DUSP28: variants seen among roughly 807,000 people sequenced by gnomAD.
The protein encoded by DUSP28 is dual specificity phosphatase 28.
Under a neutral mutation model 8.4 loss-of-function variants are expected in DUSP28, and 11 were observed. The ratio of observed to expected loss-of-function variants is 1.31; its 90% CI spans 0.83 to 2.17. The LOEUF is 2.17. Ranked by LOEUF, DUSP28 falls within the 30% of genes most tolerant of loss-of-function variation. The pLI is 0.00. For synonymous variants in DUSP28, 178 were observed against 130.9 expected, an observed-to-expected ratio of 1.36 and a Z score of -2.46; for missense variants, 373 against 270.4, an observed-to-expected ratio of 1.38 and a Z score of -2.66.
Position 240,563,974 on chromosome 2 carries a change from A to G in DUSP28, c.*2507A>G, listed in dbSNP as rs2092994731. On this transcript the variant is annotated 3_prime_UTR_variant, in exon 2 of 2. Coordinates refer to ENST00000405954, the MANE Select transcript of DUSP28 (RefSeq NM_001370465.2). The stretch of plus-strand genomic sequence containing the variant: ...GGTTGTATATTTTCCCGTTGGAGAC[A>G]CATCTGGAATTTGCTGCAATAAAAT... 6.6e-6 allele frequency: 1 copy of G among 152,408 alleles called. No homozygotes were observed. The highest frequency in any genetic ancestry group is 2.4e-5 in the African/African-American group (1 of 41,474). 9.4% of individuals were successfully genotyped at this position (152,408 alleles called of 1,614,324 possible). A position where few individuals can be genotyped will look rare whatever the true frequency, so the allele number is the denominator to read the frequency against.
chr2:240,560,750 C>T lies in DUSP28; in HGVS notation c.66C>T (p.Val22=), dbSNP rs773089505. 3.3e-6 allele frequency: 5 copies of T among 1,504,530 alleles called. No homozygotes were observed. The East Asian group carries it at 1.1e-4, about 34-fold the overall frequency. The allele number at this position is 1,504,530 out of a possible 1,614,324, so 93.2% of individuals were successfully genotyped here. Residue 22 remains valine (V), a synonymous_variant, in exon 1 of 2, where the codon GTC becomes GTT. Transcript: ENST00000405954. ...CCGTACCTCCACCGTTGGTGCGCGT[C>T]GCGCCCTCACTCTTCCTCGGGAGCG... is the stretch of plus-strand genomic sequence containing the variant. The part of the protein sequence containing the change: ...ASPVPPPLVR[V]APSLFLGSAR...
chr2:240,561,086 G>T lies in DUSP28; in HGVS notation c.393+9G>T. ...TGGCGAAGGCCTTCCAGGTGGGCGGGCCTTTAGGGGGGCGGTGTTTCGAGA... is the reference window on the plus strand; with the variant it reads ...TGGCGAAGGCCTTCCAGGTGGGCGGTCCTTTAGGGGGGCGGTGTTTCGAGA... On this transcript the variant is annotated intron_variant, in intron 1 of 1. Transcript: ENST00000405954. The T allele has an allele frequency of 6.8e-7, 1 of 1,473,908 alleles. No individual in the cohort carries two copies. The highest frequency in any genetic ancestry group is 8.9e-7 in the Non-Finnish European group (1 of 1,121,888). The allele number at this position is 1,473,908 out of a possible 1,614,324, so 91.3% of individuals were successfully genotyped here. A position where few individuals can be genotyped will look rare whatever the true frequency, so the allele number is the denominator to read the frequency against.
chr2:240,564,873 C>T lies in DUSP28; in HGVS notation c.*3406C>T, dbSNP rs945404215. Among the ~76,000 whole-genome samples, 2 of 152,194 alleles carry T rather than the reference C, an allele frequency of 1.3e-5. No individual in the cohort carries two copies. Among genetic ancestry groups the T allele is most frequent in the East Asian group, 1.9e-4 (1 of 5,200 alleles). ...TGACAGACGGCCTGGTGAGGGAACCCGGGAGGCCTCCAGCATCTGCACCCC... is the reference window on the plus strand; with the variant it reads ...TGACAGACGGCCTGGTGAGGGAACCTGGGAGGCCTCCAGCATCTGCACCCC... On this transcript the variant is annotated 3_prime_UTR_variant, in exon 2 of 2. Coordinates refer to ENST00000405954, the MANE Select transcript of DUSP28 (RefSeq NM_001370465.2).
chr2:240,561,013 C>G lies in DUSP28; in HGVS notation c.329C>G (p.Ser110Trp). 1 of 1,534,224 alleles carries G rather than the reference C, an allele frequency of 6.5e-7. No individual in the cohort carries two copies. The highest frequency in any genetic ancestry group is 8.7e-7 in the Non-Finnish European group (1 of 1,152,380). Residue 110 changes from serine (S) to tryptophan (W), a missense_variant, in exon 1 of 2, where the codon TCG becomes TGG. Physicochemically the swap from Ser to Trp is radical, Grantham distance 177. Transcript: ENST00000405954. ...TACTGCAAGAACGGCCGCAGCCGCT[C>G]GGCCGCCGTCTGCACCGCGTACCTC... Reference protein sequence around the residue: ...LVYCKNGRSRSAAVCTAYLMR... With the variant: ...LVYCKNGRSRWAAVCTAYLMR...
At position 240,560,591 on chromosome 2, in the gene DUSP28, G is replaced by C. The variant is rs1283846960; in HGVS notation, c.-94G>C. On this transcript the variant is annotated 5_prime_UTR_variant, in exon 1 of 2. Coordinates refer to ENST00000405954, the MANE Select transcript of DUSP28 (RefSeq NM_001370465.2). Reference sequence around the variant, plus strand: ...CTCTAGGACCCGGGGGCGCCCGGCGGCCCGCCCGGCTCCCACAAATAGACT... The same window carrying C: ...CTCTAGGACCCGGGGGCGCCCGGCGCCCCGCCCGGCTCCCACAAATAGACT... 3 of 1,316,620 alleles carry C rather than the reference G, an allele frequency of 2.3e-6. No individual in the cohort carries two copies. The highest frequency in any genetic ancestry group is 2.9e-6 in the Non-Finnish European group (3 of 1,034,158). 81.6% of individuals were successfully genotyped at this position (1,316,620 alleles called of 1,614,324 possible).
At position 240,560,838 on chromosome 2, in the gene DUSP28, T is replaced by C; in HGVS notation, c.154T>C (p.Ser52Pro). Residue 52 changes from serine to proline, a missense_variant, in exon 1 of 2, where the codon TCC (serine) becomes CCC (proline). Ser to Pro is a moderately conservative substitution (Grantham distance 74). Coordinates refer to ENST00000405954, the MANE Select transcript of DUSP28 (RefSeq NM_001370465.2). ...GGGAGTCACGCTGTGCGTCAACGTCTCCCGCCAGCAGCCCGGCCCGCGCGC... is the reference window on the plus strand; with the variant it reads ...GGGAGTCACGCTGTGCGTCAACGTCCCCCGCCAGCAGCCCGGCCCGCGCGC... ...RAGVTLCVNV[S>P]RQQPGPRAPG... The C allele has an allele frequency of 7.2e-7, 1 of 1,398,040 alleles. No individual in the cohort carries two copies. Among genetic ancestry groups the C allele is most frequent in the Middle Eastern group, 2.5e-4 (1 of 3,926 alleles). 86.6% of individuals were successfully genotyped at this position (1,398,040 alleles called of 1,614,324 possible).
rs766787898 is a variant in DUSP28, at chr2:240,560,999, C to T, written c.315C>T (p.Asn105=). 39 of 1,538,634 alleles carry T rather than the reference C, an allele frequency of 2.5e-5. No individual in the cohort carries two copies. The South Asian group carries it at 4.6e-4, about 18-fold the overall frequency. The stretch of plus-strand genomic sequence containing the variant: ...GCGCCTGCCTAGTCTACTGCAAGAA[C>T]GGCCGCAGCCGCTCGGCCGCCGTCT... ...AGGACLVYCK[N]GRSRSAAVCT... The change falls in exon 1 of 2, where the codon AAC becomes AAT. Residue 105 remains asparagine, a synonymous_variant. Transcript: ENST00000405954.
chr2:240,560,787 G>GGCGCGGAGGAGCAGCTGGCGC lies in DUSP28; in HGVS notation c.110_130dup (p.Glu37_Ala43dup), dbSNP rs1417775863. ...CTTCCTCGGGAGCGCGCGAGCCGCG[G>GGCGCGGAGGAGCAGCTGGCGC]GCGCGGAGGAGCAGCTGGCGCGCGC... On this transcript the variant is annotated inframe_insertion, in exon 1 of 2. Transcript: ENST00000405954. The GGCGCGGAGGAGCAGCTGGCGC allele has an allele frequency of 1.2e-5, 18 of 1,457,924 alleles. No individual in the cohort carries two copies. Among genetic ancestry groups the GGCGCGGAGGAGCAGCTGGCGC allele is most frequent in the Non-Finnish European group, 1.6e-5 (18 of 1,112,824 alleles). 90.3% of individuals were successfully genotyped at this position (1,457,924 alleles called of 1,614,324 possible). A position where few individuals can be genotyped will look rare whatever the true frequency, so the allele number is the denominator to read the frequency against.
chr2:240,560,790 G>C lies in DUSP28; in HGVS notation c.106G>C (p.Ala36Pro). 1 of 1,455,008 alleles carries C rather than the reference G, an allele frequency of 6.9e-7. No individual in the cohort carries two copies. Among genetic ancestry groups the C allele is most frequent in the South Asian group, 1.3e-5 (1 of 74,402 alleles). 90.1% of individuals were successfully genotyped at this position (1,455,008 alleles called of 1,614,324 possible). The part of the protein sequence containing the change: ...LFLGSARAAG[A>P]EEQLARAGVT... ...CCTCGGGAGCGCGCGAGCCGCGGGC[G>C]CGGAGGAGCAGCTGGCGCGCGCGGG... Residue 36 changes from alanine (A) to proline (P), a missense_variant, in exon 1 of 2, where the codon GCG becomes CCG. Coordinates refer to ENST00000405954, the MANE Select transcript of DUSP28 (RefSeq NM_001370465.2).
Position 240,560,856 on chromosome 2 carries a change from C to G in DUSP28, c.172C>G (p.Pro58Ala). The G allele has an allele frequency of 7.2e-7, 1 of 1,393,440 alleles. No homozygotes were observed. Among genetic ancestry groups the G allele is most frequent in the East Asian group, 3.0e-5 (1 of 32,984 alleles). The allele number at this position is 1,393,440 out of a possible 1,614,324, so 86.3% of individuals were successfully genotyped here. A position where few individuals can be genotyped will look rare whatever the true frequency, so the allele number is the denominator to read the frequency against. The change falls in exon 1 of 2, where the codon CCG (proline) becomes GCG (alanine). Residue 58 changes from proline to alanine, a missense_variant. Physicochemically the swap from Pro to Ala is conservative, Grantham distance 27. Coordinates refer to ENST00000405954, the MANE Select transcript of DUSP28 (RefSeq NM_001370465.2). ...CAACGTCTCCCGCCAGCAGCCCGGCCCGCGCGCGCCCGGCGTGGCAGAGCT... is the reference window on the plus strand; with the variant it reads ...CAACGTCTCCCGCCAGCAGCCCGGCGCGCGCGCGCCCGGCGTGGCAGAGCT... ...CVNVSRQQPG[P>A]RAPGVAELRV...
Position 240,560,537 on chromosome 2 carries a change from C to A in DUSP28, c.-148C>A. The A allele has an allele frequency of 8.4e-7, 1 of 1,191,206 alleles. No homozygotes were observed. Among genetic ancestry groups the A allele is most frequent in the Non-Finnish European group, 1.1e-6 (1 of 931,312 alleles). 73.8% of individuals were successfully genotyped at this position (1,191,206 alleles called of 1,614,324 possible). On this transcript the variant is annotated 5_prime_UTR_variant, in exon 1 of 2. Transcript: ENST00000405954. Reference sequence around the variant, plus strand: ...CCCGGCCCAGCGCCCGCGGGGGACCCAAGCCCCAGCCTGGTCCACCTCGGA... The same window carrying A: ...CCCGGCCCAGCGCCCGCGGGGGACCAAAGCCCCAGCCTGGTCCACCTCGGA...
rs910166340 is a variant in DUSP28 at position 240,564,678 on chromosome 2, G to A, written c.*3211G>A. On this transcript the variant is annotated 3_prime_UTR_variant, in exon 2 of 2. Transcript: ENST00000405954. ...GCCACCCAGATCCCCACTGCCTGAT[G>A]TCCTGGCTGTGGAGGGCACCTGGAG... Among the ~76,000 whole-genome samples the A allele has an allele frequency of 2.6e-5, 4 of 152,222 alleles. No homozygotes were observed. The highest frequency in any genetic ancestry group is 7.2e-5 in the African/African-American group (3 of 41,458).
rs2092953248 is a variant in DUSP28, at chr2:240,561,354, G to C, written c.418G>C (p.Ala140Pro). The change falls in exon 2 of 2, where the codon GCA (alanine) becomes CCA (proline). Residue 140 changes from alanine (A) to proline (P), a missense_variant. Ala to Pro is a conservative substitution (Grantham distance 27, BLOSUM62 -1). Transcript: ENST00000405954. ...GATGGTGAAGAGCGCTCGCCCGGTA[G>C]CAGAACCGAACCCGGGCTTCTGGTC... The part of the protein sequence containing the change: ...FQMVKSARPV[A>P]EPNPGFWSQL... The C allele has an allele frequency of 6.2e-7, 1 of 1,613,772 alleles. No homozygotes were observed. The highest frequency in any genetic ancestry group is 1.7e-5 in the Admixed American group (1 of 60,012).
rs866691579 is a variant in DUSP28 at position 240,565,087 on chromosome 2, C to G, written c.*3620C>G. Among the ~76,000 whole-genome samples the G allele has an allele frequency of 6.6e-6, 1 of 152,142 alleles. No individual in the cohort carries two copies. Among genetic ancestry groups the G allele is most frequent in the African/African-American group, 2.4e-5 (1 of 41,416 alleles). On this transcript the variant is annotated 3_prime_UTR_variant, in exon 2 of 2. Coordinates refer to ENST00000405954, the MANE Select transcript of DUSP28 (RefSeq NM_001370465.2). The stretch of plus-strand genomic sequence containing the variant: ...ACCACCTCTCCTGGACATCCTGTGG[C>G]CTAAAGACTATCCTAGAATCAACAC...
At position 240,560,762 on chromosome 2, in the gene DUSP28, C is replaced by T. The variant is rs1217172124; in HGVS notation, c.78C>T (p.Leu26=). ...CGTTGGTGCGCGTCGCGCCCTCACT[C>T]TTCCTCGGGAGCGCGCGAGCCGCGG... ...PPPLVRVAPS[L]FLGSARAAGA... Residue 26 remains leucine (L), a synonymous_variant, in exon 1 of 2, where the codon CTC becomes CTT. Coordinates refer to ENST00000405954, the MANE Select transcript of DUSP28 (RefSeq NM_001370465.2). 4 of 1,482,168 alleles carry T rather than the reference C, an allele frequency of 2.7e-6. No homozygotes were observed. The highest frequency in any genetic ancestry group is 2.5e-5 in the Admixed American group (1 of 40,464). The allele number at this position is 1,482,168 out of a possible 1,614,324, so 91.8% of individuals were successfully genotyped here. A position where few individuals can be genotyped will look rare whatever the true frequency, so the allele number is the denominator to read the frequency against.
In DUSP28 at chr2:240,560,614, ACTC is replaced by A. The variant is rs2092893834; in HGVS notation, c.-68_-66del. 3.7e-6 allele frequency: 5 copies of A among 1,360,808 alleles called. No homozygotes were observed. The East Asian group carries it at 1.5e-4, about 41-fold the overall frequency. 84.3% of individuals were successfully genotyped at this position (1,360,808 alleles called of 1,614,324 possible). A position where few individuals can be genotyped will look rare whatever the true frequency, so the allele number is the denominator to read the frequency against. ...CGGCCCGCCCGGCTCCCACAAATAGACTCCTGGGCGGGCGCCTGAGCCCCCAAA... is the reference window on the plus strand; with the variant it reads ...CGGCCCGCCCGGCTCCCACAAATAGACTGGGCGGGCGCCTGAGCCCCCAAA... On this transcript the variant is annotated 5_prime_UTR_variant, in exon 1 of 2. Transcript: ENST00000405954.
chr2:240,560,676 G>A lies in DUSP28; in HGVS notation c.-9G>A, dbSNP rs1575425227. 1 of 1,511,564 alleles carries A rather than the reference G, an allele frequency of 6.6e-7. No homozygotes were observed. The highest frequency in any genetic ancestry group is 8.8e-7 in the Non-Finnish European group (1 of 1,141,796). The allele number at this position is 1,511,564 out of a possible 1,614,324, so 93.6% of individuals were successfully genotyped here. The stretch of plus-strand genomic sequence containing the variant: ...TCAGGGCCCAAAAGCAGACTCTTCG[G>A]CGGGCGCCATGGGACCGGCAGAAGC... On this transcript the variant is annotated 5_prime_UTR_variant, in exon 1 of 2. Transcript: ENST00000405954.
Position 240,560,959 on chromosome 2 carries a change from C to A in DUSP28, c.275C>A (p.Ala92Glu). The A allele has an allele frequency of 6.6e-7, 1 of 1,516,322 alleles. No homozygotes were observed. Among genetic ancestry groups the A allele is most frequent in the Non-Finnish European group, 8.7e-7 (1 of 1,145,316 alleles). 93.9% of individuals were successfully genotyped at this position (1,516,322 alleles called of 1,614,324 possible). ...LEPTCAAMEA[A>E]VRAGGACLVY... ...CCCACGTGCGCCGCCATGGAGGCCG[C>A]GGTGCGCGCCGGCGGCGCCTGCCTA... Residue 92 changes from alanine to glutamate, a missense_variant, in exon 1 of 2, where the codon GCG becomes GAG. Ala to Glu is a moderately radical substitution (Grantham distance 107, BLOSUM62 -1). Transcript: ENST00000405954.
chr2:240,560,820 A>T lies in DUSP28; in HGVS notation c.136A>T (p.Thr46Ser), dbSNP rs1282019139. ...GGAGCAGCTGGCGCGCGCGGGAGTC[A>T]CGCTGTGCGTCAACGTCTCCCGCCA... ...AEEQLARAGV[T>S]LCVNVSRQQP... The change falls in exon 1 of 2, where the codon ACG becomes TCG. Residue 46 changes from threonine (T) to serine (S), a missense_variant. Thr to Ser is a moderately conservative substitution (Grantham distance 58). Coordinates refer to ENST00000405954, the MANE Select transcript of DUSP28 (RefSeq NM_001370465.2). The T allele has an allele frequency of 7.0e-7, 1 of 1,431,312 alleles. No individual in the cohort carries two copies. Among genetic ancestry groups the T allele is most frequent in the Non-Finnish European group, 9.1e-7 (1 of 1,100,800 alleles). 88.7% of individuals were successfully genotyped at this position (1,431,312 alleles called of 1,614,324 possible). A position where few individuals can be genotyped will look rare whatever the true frequency, so the allele number is the denominator to read the frequency against.
Sources: allele counts gnomAD v4.1 joint callset (sites outside exome capture counted in the v4.1 genomes callset), GRCh38; gene constraint gnomAD v4.1.1; transcripts MANE v1.5; gene names NCBI Gene and HGNC (gene_info 2026-07-23, HGNC 2026-07-21).